The following SLC15A2 variants were observed in gnomAD, a reference collection of about 807,000 sequenced individuals.
The protein encoded by SLC15A2 is kidney H(+)/peptide cotransporter.
A neutral mutation model predicts 95.5 loss-of-function variants in SLC15A2; 77 were observed. That is an observed-to-expected ratio of 0.81 (90% confidence interval 0.67 to 0.97). The LOEUF (loss-of-function observed/expected upper bound fraction) is 0.97, where lower values mean the gene tolerates loss of function less well. Ranked by LOEUF, SLC15A2 falls within the 50% of genes least tolerant of loss-of-function variation. The pLI is 0.00. For missense variants in SLC15A2, 893 were observed against 874.4 expected (o/e 1.02, Z -0.27); for synonymous variants, 306 against 306.9 (o/e 1.00, Z 0.03).
At chr3:121,924,313 TCAG>T in intron 11 of SLC15A2, 35 bp from the exon 12 acceptor site, 1 of 1,590,022 alleles carries the variant, frequency 6.3e-7, no homozygotes, top group Non-Finnish European at 8.6e-7. Flanking sequence ...TTTCTTTTCT[TCAG>T]ACATCAACTA....
chr3:121,913,090 T>A lies in SLC15A2; in HGVS notation c.498T>A (p.Ala166=). Residue 166 remains alanine, a synonymous_variant, in exon 5 of 22, where the codon GCT becomes GCA. Coordinates refer to ENST00000489711, the MANE Select transcript of SLC15A2 (RefSeq NM_021082.4). ...GTGGIKPCVA[A]FGGDQFEEKH... is the part of the protein sequence containing the mutation. ...GAGGCATCAAACCCTGTGTGGCAGC[T>A]TTTGGTGGAGACCAGTTTGAAGAAA... The A allele has an allele frequency of 6.2e-7, 1 of 1,613,842 alleles. No individual in the cohort carries two copies.
At chr3:121,906,521 G>A (rs1338249297) in intron 3 of SLC15A2, among the ~76,000 whole-genome samples, 2 of 152,098 alleles carry the variant, frequency 1.3e-5, no homozygotes, top group Admixed American at 6.6e-5. Context: ...CATGTTTAGC[G>A]CTTCCTTCAG....
In SLC15A2 at chr3:121,942,818, C is replaced by A. The variant is rs2107617531; in HGVS notation, c.*1811C>A. 6.6e-6 allele frequency: 1 copy of A among 152,326 alleles called. No homozygotes were observed. Among genetic ancestry groups the A allele is most frequent in the Middle Eastern group, 3.4e-3 (1 of 294 alleles). 9.4% of individuals were successfully genotyped at this position (152,326 alleles called of 1,614,324 possible). ...ATATTAAAGACTCTGAGATATCCTGCAGTAAAGACACAAGATACCTTGTTT... is the reference window on the plus strand; with the variant it reads ...ATATTAAAGACTCTGAGATATCCTGAAGTAAAGACACAAGATACCTTGTTT... On this transcript the variant is annotated 3_prime_UTR_variant, in exon 22 of 22. Transcript: ENST00000489711.
At chr3:121,921,323 A>C (rs1710001046) in intron 7 of SLC15A2, among the ~76,000 whole-genome samples, 1 of 152,184 alleles carries the variant, frequency 6.6e-6, no homozygotes, top group African/African-American at 2.4e-5. Context: ...AGTGTCTAGT[A>C]CAGTATGTGG....
intron 3 of SLC15A2, among the ~76,000 whole-genome samples, chr3:121,904,897 T>C (rs1407553257): frequency 6.6e-6 from 1 of 152,214 alleles, no homozygotes; most frequent in Non-Finnish European, 1.5e-5. Flanking sequence ...TCTTTTTCTA[T>C]TGATTGGAAT....
At chr3:121,931,163 T>C (rs541098133) in intron 18 of SLC15A2, among the ~76,000 whole-genome samples, 2 of 152,310 alleles carry the variant, frequency 1.3e-5, no homozygotes, top group East Asian at 3.9e-4. Flanking sequence ...GACCACACTA[T>C]ATAGTTAACA....
chr3:121,918,048 T>G (rs1217575265), intron 7 of SLC15A2, among the ~76,000 whole-genome samples: 1 of 152,166 alleles, frequency 6.6e-6, no homozygotes, highest in Non-Finnish European at 1.5e-5. Context: ...AGAGGAATAA[T>G]TGCTAGATTT....
chr3:121,915,448 GA>G, intron 6 of SLC15A2, 131 bp downstream of exon 6: 2 of 801,192 alleles, frequency 2.5e-6, no homozygotes, highest in Non-Finnish European at 4.2e-6. Flanking sequence ...TTTTAGTCTT[GA>G]TTTGTCTGGC....
intron 7 of SLC15A2, among the ~76,000 whole-genome samples, 166 bp from the exon 8 acceptor site, chr3:121,922,054 A>G (rs1710015879): frequency 6.6e-6 from 1 of 152,202 alleles, no homozygotes; most frequent in Non-Finnish European, 1.5e-5. Flanking sequence ...AGCCACTCCC[A>G]CAGTTCAGCA....
intron 6 of SLC15A2, 70 bp from the exon 7 acceptor site, chr3:121,915,546 G>C: frequency 8.2e-7 from 1 of 1,217,384 alleles, no homozygotes; most frequent in South Asian, 1.2e-5. Context: ...AACAACCTGA[G>C]CTTGTAGAAT....
intron 7 of SLC15A2, among the ~76,000 whole-genome samples, chr3:121,920,884 G>A (rs1215647276): frequency 6.6e-6 from 1 of 152,200 alleles, no homozygotes; most frequent in African/African-American, 2.4e-5. Flanking sequence ...TTTAGCAGAG[G>A]ATCTACTAGA....
chr3:121,913,264 A>T, intron 5 of SLC15A2, 144 bp downstream of exon 5: 1 of 601,044 alleles, frequency 1.7e-6, no homozygotes, highest in Middle Eastern at 4.2e-4. Context: ...GATACTGGCC[A>T]TTAATAGTGA....
intron 3 of SLC15A2, among the ~76,000 whole-genome samples, chr3:121,904,652 T>C (rs1235733506): frequency 6.6e-6 from 1 of 152,194 alleles, no homozygotes; most frequent in Non-Finnish European, 1.5e-5. Context: ...CCGGATTACG[T>C]TTATTGATTG....
At chr3:121,904,845 A>C (rs1442910541) in intron 3 of SLC15A2, among the ~76,000 whole-genome samples, 1 of 152,228 alleles carries the variant, frequency 6.6e-6, no homozygotes, top group Non-Finnish European at 1.5e-5. Context: ...CTTTCATATC[A>C]GGATGATGCT....
chr3:121,901,423 G>A (rs1184503536), intron 3 of SLC15A2, among the ~76,000 whole-genome samples: 1 of 152,154 alleles, frequency 6.6e-6, no homozygotes, highest in Non-Finnish European at 1.5e-5. Context: ...CTCAAATGTA[G>A]CCACATGACT....
intron 19 of SLC15A2, among the ~76,000 whole-genome samples, chr3:121,936,938 G>A (rs1710359641): frequency 6.6e-6 from 1 of 150,444 alleles, no homozygotes; most frequent in Non-Finnish European, 1.5e-5. Context: ...CTTCCTTCAG[G>A]AGCTCTTTTA....
At chr3:121,921,193 A>C (rs1478863372) in intron 7 of SLC15A2, among the ~76,000 whole-genome samples, 1 of 152,226 alleles carries the variant, frequency 6.6e-6, no homozygotes, top group African/African-American at 2.4e-5. Context: ...ATAAATGATG[A>C]ATAGTGTTTA....
In SLC15A2 at chr3:121,940,862, T is replaced by C; in HGVS notation, c.2045T>C (p.Leu682Pro). 6.2e-7 allele frequency: 1 copy of C among 1,613,424 alleles called. No individual in the cohort carries two copies. Among genetic ancestry groups the C allele is most frequent in the South Asian group, 1.1e-5 (1 of 90,794 alleles). Residue 682 changes from leucine to proline, a missense_variant, in exon 22 of 22, where the codon CTG (leucine) becomes CCG (proline). Coordinates refer to ENST00000489711, the MANE Select transcript of SLC15A2 (RefSeq NM_021082.4). Reference protein sequence around the residue: ...WAEFILFSCLLLVICLIFSIM... With the variant: ...WAEFILFSCLPLVICLIFSIM... ...GAATTCATTTTGTTTTCCTGCCTCC[T>C]GCTGGTGATCTGCCTGATCTTCTCC...
intron 3 of SLC15A2, among the ~76,000 whole-genome samples, chr3:121,902,672 C>T (rs1709543148): frequency 6.6e-6 from 1 of 152,216 alleles, no homozygotes; most frequent in African/African-American, 2.4e-5. Context: ...ATCCATGTCC[C>T]TGCAAAGGAC....
Sources: gnomAD v4.1 joint callset for allele counts (sites outside exome capture counted in the v4.1 genomes callset) on GRCh38, gnomAD v4.1.1 for gene constraint, MANE v1.5 for transcripts, NCBI Gene and HGNC (gene_info 2026-07-23, HGNC 2026-07-21) for gene names.